LCOR: variants seen among roughly 807,000 people sequenced by gnomAD.
LCOR encodes ligand dependent nuclear receptor corepressor.
LCOR carries 14 observed loss-of-function variants against 64.4 expected under a neutral mutation model. The ratio of observed to expected loss-of-function variants is 0.22; its 90% confidence interval spans 0.14 to 0.34. The LOEUF is 0.34. LCOR is among the 10% of genes least tolerant of loss of function. LCOR has a pLI of 1.00. For synonymous variants in LCOR, 643 were observed against 642.5 expected (o/e 1.00, Z -0.01); for missense variants, 1,686 against 1,765.3 (o/e 0.96, Z 0.80).
chr10:96,895,727 A>G (rs925949929), intron 2 of LCOR, among the ~76,000 whole-genome samples: 1 of 152,048 alleles, frequency 6.6e-6, no homozygotes, highest in Admixed American at 6.6e-5. Context: ...TACCTTAACT[A>G]CCTCAGTGCT....
intron 2 of LCOR, among the ~76,000 whole-genome samples, chr10:96,903,210 T>G (rs986882476): frequency 2.6e-5 from 4 of 152,196 alleles, no homozygotes; most frequent in African/African-American, 9.6e-5. Context: ...AGGCCTAGAA[T>G]GTTGCTGTAC....
chr10:96,988,613 T>G lies in LCOR; in HGVS notation c.*3479T>G, dbSNP rs147666433. ...GCCTCTTTTCCTGCTTTGTAATGGG[T>G]TCGGTCATGAGGGTGGGAGCTGTCA... is the stretch of plus-strand genomic sequence containing the variant. On this transcript the variant is annotated 3_prime_UTR_variant, in exon 8 of 8. Transcript: ENST00000421806. 5.6e-4 allele frequency: 85 copies of G among 152,296 alleles called. No individual in the cohort carries two copies. Among genetic ancestry groups the G allele is most frequent in the African/African-American group, 1.9e-3 (77 of 41,554 alleles). The allele number at this position is 152,296 out of a possible 1,614,324, so 9.4% of individuals were successfully genotyped here.
chr10:96,844,998 A>G (rs904281516), intron 2 of LCOR, among the ~76,000 whole-genome samples: 2 of 152,244 alleles, frequency 1.3e-5, no homozygotes, highest in East Asian at 3.9e-4. Flanking sequence ...TTCACTTCCA[A>G]CCTTCTGTGA....
chr10:96,987,350 T>G lies in LCOR; in HGVS notation c.*2216T>G, dbSNP rs1848157173. 1 of 152,240 alleles carries G rather than the reference T, an allele frequency of 6.6e-6. No individual in the cohort carries two copies. The highest frequency in any genetic ancestry group is 1.5e-5 in the Non-Finnish European group (1 of 68,042). The allele number at this position is 152,240 out of a possible 1,614,324, so 9.4% of individuals were successfully genotyped here. On this transcript the variant is annotated 3_prime_UTR_variant, in exon 8 of 8. Coordinates refer to ENST00000421806, the MANE Select transcript of LCOR (RefSeq NM_001346516.2). Reference sequence around the variant, plus strand: ...TGTACAGAAGAGGTGCCCCGTTGGCTGCATACCGACTACCTTGTAAGGTGC... The same window carrying G: ...TGTACAGAAGAGGTGCCCCGTTGGCGGCATACCGACTACCTTGTAAGGTGC...
intron 5 of LCOR, among the ~76,000 whole-genome samples, chr10:96,945,923 T>C (rs1383660357): frequency 2.6e-5 from 4 of 151,920 alleles, no homozygotes; most frequent in Non-Finnish European, 4.4e-5. Flanking sequence ...ATAAAGTTTT[T>C]CTTTTTTTTT....
At chr10:96,893,762 CAAA>C (rs376847220) in intron 2 of LCOR, among the ~76,000 whole-genome samples, 5 of 94,526 alleles carry the variant, frequency 5.3e-5, no homozygotes, top group Non-Finnish European at 4.7e-5. Flanking sequence ...GACTCTGTTT[CAAA>C]AAAAAAAAAA....
At chr10:96,973,403 G>A (rs1189582711) in intron 7 of LCOR, among the ~76,000 whole-genome samples, 1 of 152,162 alleles carries the variant, frequency 6.6e-6, no homozygotes, top group African/African-American at 2.4e-5. Context: ...TTATATTCAG[G>A]TGTGGAGGAT....
At chr10:96,947,749 A>T (rs1254759087) in intron 5 of LCOR, among the ~76,000 whole-genome samples, 5 of 151,190 alleles carry the variant, frequency 3.3e-5, no homozygotes, top group African/African-American at 1.2e-4. Flanking sequence ...TTTTTTTTTT[A>T]AAGGACTATT....
chr10:96,857,922 A>G (rs1845831912), intron 2 of LCOR, among the ~76,000 whole-genome samples: 1 of 152,164 alleles, frequency 6.6e-6, no homozygotes, highest in African/African-American at 2.4e-5. Context: ...TAACCCCTGA[A>G]GTCTTCTTAC....
At chr10:96,977,757 G>A (rs776635302) in intron 7 of LCOR, among the ~76,000 whole-genome samples, 14 of 151,996 alleles carry the variant, frequency 9.2e-5, no homozygotes, top group African/African-American at 1.2e-4. Flanking sequence ...CTGCAGCCTC[G>A]ACCCCCTTGG....
intron 5 of LCOR, among the ~76,000 whole-genome samples, chr10:96,944,536 TTTTCTTATGGAGACAG>T (rs1847553525): frequency 6.6e-6 from 1 of 151,926 alleles, no homozygotes; most frequent in Admixed American, 6.6e-5. Flanking sequence ...GTTAGACAAC[TTTTCTTATGGAGACAG>T]TTACTGTTTT....
chr10:96,882,116 T>A (rs1402617755), intron 2 of LCOR, among the ~76,000 whole-genome samples: 1 of 152,136 alleles, frequency 6.6e-6, no homozygotes, highest in East Asian at 1.9e-4. Context: ...AATAACCTCT[T>A]AACATGTTAA....
intron 4 of LCOR, among the ~76,000 whole-genome samples, chr10:96,927,914 A>G (rs1847196224): frequency 6.6e-6 from 1 of 152,238 alleles, no homozygotes; most frequent in Non-Finnish European, 1.5e-5. Flanking sequence ...AGTTATGTTT[A>G]TATTGTAGTC....
intron 2 of LCOR, among the ~76,000 whole-genome samples, chr10:96,901,486 T>C (rs1025805675): frequency 2.0e-5 from 3 of 152,208 alleles, no homozygotes; most frequent in African/African-American, 7.2e-5. Flanking sequence ...AGTCTACATG[T>C]GTAGCTTCCC....
Position 96,986,402 on chromosome 10 carries a change from A to C in LCOR, c.*1268A>C, listed in dbSNP as rs573398561. 1 of 152,522 alleles carries C rather than the reference A, an allele frequency of 6.6e-6. No homozygotes were observed. Among genetic ancestry groups the C allele is most frequent in the African/African-American group, 2.4e-5 (1 of 41,568 alleles). 9.4% of individuals were successfully genotyped at this position (152,522 alleles called of 1,614,324 possible). A position where few individuals can be genotyped will look rare whatever the true frequency, so the allele number is the denominator to read the frequency against. Reference sequence around the variant, plus strand: ...GCTCCAGCATCTGTGAAGAGCCCACACACCCCCTACACCCAGAGCTGATGT... The same window carrying C: ...GCTCCAGCATCTGTGAAGAGCCCACCCACCCCCTACACCCAGAGCTGATGT... On this transcript the variant is annotated 3_prime_UTR_variant, in exon 8 of 8. Coordinates refer to ENST00000421806, the MANE Select transcript of LCOR (RefSeq NM_001346516.2).
At chr10:96,954,986 C>T (rs780881594) in intron 7 of LCOR, 9 of 1,613,922 alleles carry the variant, frequency 5.6e-6, no homozygotes, top group East Asian at 2.2e-5. Context: ...ACCGCCCAGA[C>T]GGACTTCGGA....
At chr10:96,919,692 T>G (rs1847014785) in intron 4 of LCOR, among the ~76,000 whole-genome samples, 1 of 152,198 alleles carries the variant, frequency 6.6e-6, no homozygotes, top group African/African-American at 2.4e-5. Flanking sequence ...GCAACCACTG[T>G]TCTACTTTTT....
At position 96,980,895 on chromosome 10, in the gene LCOR, C is replaced by T. The variant is rs758003088; in HGVS notation, c.435C>T (p.Phe145=). Residue 145 remains phenylalanine, a synonymous_variant, in exon 8 of 8, where the codon TTC becomes TTT. Coordinates refer to ENST00000421806, the MANE Select transcript of LCOR (RefSeq NM_001346516.2). ...TGTGTACTCATCATCAAAAGCAATT[C>T]ATTCGTGTTCTGAACGACCTGTACA... The part of the protein sequence containing the change: ...VKLCTHHQKQ[F]IRVLNDLYTE... 2.8e-6 allele frequency: 2 copies of T among 703,002 alleles called. No individual in the cohort carries two copies. Among genetic ancestry groups the T allele is most frequent in the Middle Eastern group, 4.6e-4 (2 of 4,370 alleles). The allele number at this position is 703,002 out of a possible 1,614,324, so 43.5% of individuals were successfully genotyped here.
intron 4 of LCOR, among the ~76,000 whole-genome samples, chr10:96,937,432 C>T: frequency 6.6e-6 from 1 of 152,116 alleles, no homozygotes; most frequent in Non-Finnish European, 1.5e-5. Context: ...ATACTTAGAA[C>T]AAGTATTGAG....
Sources: allele counts gnomAD v4.1 joint callset (sites outside exome capture counted in the v4.1 genomes callset), GRCh38; gene constraint gnomAD v4.1.1; transcripts MANE v1.5; gene names NCBI Gene and HGNC (gene_info 2026-07-23, HGNC 2026-07-21).